PWP1: variants seen among roughly 807,000 people sequenced by gnomAD.
PWP1 encodes periodic tryptophan protein 1 homolog.
Under a neutral mutation model 69.9 loss-of-function variants are expected in PWP1, and 47 were observed. The ratio of observed to expected loss-of-function variants is 0.67; its 90% CI spans 0.53 to 0.86. The LOEUF (loss-of-function observed/expected upper bound fraction) is 0.86. Ranked by LOEUF, PWP1 falls within the 40% of genes least tolerant of loss-of-function variation. PWP1 has a pLI of 0.00. For synonymous variants in PWP1, 222 were observed against 208.2 expected, an observed-to-expected ratio of 1.07 and a Z score of -0.57; for missense variants, 551 against 608.8, an observed-to-expected ratio of 0.91 and a Z score of 1.00.
chr12:107,688,910 T>G (rs1377594533), intron 3 of PWP1, 108 bp downstream of exon 3: 3 of 1,165,414 alleles, frequency 2.6e-6, no homozygotes, highest in African/African-American at 1.5e-5. Flanking sequence ...TTGACATCAG[T>G]AAGATAATCT....
intron 12 of PWP1, 22 bp downstream of exon 12, chr12:107,709,038 T>C: frequency 1.2e-6 from 2 of 1,613,616 alleles, no homozygotes; most frequent in South Asian, 2.2e-5. Flanking sequence ...TAATGCTTCT[T>C]TCATTTTTCT....
In PWP1 at chr12:107,686,024, G is replaced by A. The variant is rs1220319295; in HGVS notation, c.72+53G>A. 5 of 1,586,474 alleles carry A rather than the reference G, an allele frequency of 3.2e-6. No homozygotes were observed. In the South Asian group the frequency reaches 5.5e-5, roughly 18 times the overall value. ...GGAGCAGCGTCTTTACGGCACTGGG[G>A]GTCCGCCCAGCTGGGGGAACGTGGA... On this transcript the variant is annotated intron_variant, in intron 1 of 14. Coordinates refer to ENST00000412830, the MANE Select transcript of PWP1 (RefSeq NM_007062.3).
chr12:107,692,406 C>T (rs1345944826), intron 3 of PWP1, among the ~76,000 whole-genome samples: 1 of 152,140 alleles, frequency 6.6e-6, no homozygotes, highest in African/African-American at 2.4e-5. Flanking sequence ...TTTTATTTGA[C>T]CAGGCAACCC....
chr12:107,707,609 C>T (rs945004783), intron 11 of PWP1, among the ~76,000 whole-genome samples: 11 of 152,080 alleles, frequency 7.2e-5, no homozygotes, highest in Admixed American at 3.3e-4. Flanking sequence ...GCATGAAGGG[C>T]TGTTGAATTT....
At position 107,696,721 on chromosome 12, in the gene PWP1, T is replaced by C. The variant is rs1237933251; in HGVS notation, c.613+137T>C. ...TGAAGTTACTGTTATTTTATGAAGT[T>C]ATAGAGTTCTTAACACACCATCACT... On this transcript the variant is annotated intron_variant, in intron 6 of 14. Transcript: ENST00000412830. The C allele has an allele frequency of 4.3e-6, 6 of 1,383,370 alleles. No individual in the cohort carries two copies. The African/African-American group carries it at 5.8e-5, about 13-fold the overall frequency. 85.7% of individuals were successfully genotyped at this position (1,383,370 alleles called of 1,614,324 possible). A position where few individuals can be genotyped will look rare whatever the true frequency, so the allele number is the denominator to read the frequency against.
chr12:107,687,450 T>C (rs1158257148), intron 1 of PWP1, among the ~76,000 whole-genome samples: 40 of 152,252 alleles, frequency 2.6e-4, no homozygotes, highest in Non-Finnish European at 2.9e-5. Flanking sequence ...CTCCCAAGTA[T>C]TGTGTTGTAA....
intron 8 of PWP1, among the ~76,000 whole-genome samples, chr12:107,702,290 T>C (rs1382695570): frequency 6.6e-6 from 1 of 152,042 alleles, no homozygotes; most frequent in East Asian, 1.9e-4. Flanking sequence ...TCCTGTTTTG[T>C]TTTGTTTTGA....
chr12:107,691,595 G>A (rs1889480059), intron 3 of PWP1, among the ~76,000 whole-genome samples: 1 of 152,158 alleles, frequency 6.6e-6, no homozygotes, highest in South Asian at 2.1e-4. Context: ...GGAAGAAAGG[G>A]ATTGCAGAGG....
rs138804785 is a variant in PWP1, at chr12:107,695,182, C to T, written c.503-1292C>T. 2.7e-3 allele frequency among the ~76,000 whole-genome samples: 403 copies of T among 151,232 alleles called. 2 individuals carry two copies. The highest frequency in any genetic ancestry group is 9.5e-3 in the African/African-American group (392 of 41,188). Reference sequence around the variant, plus strand: ...TCGGGAGGCTGAGGCAGGAGAATGGCGTGAACCTGGGAGGCAGGGCTTGCA... The same window carrying T: ...TCGGGAGGCTGAGGCAGGAGAATGGTGTGAACCTGGGAGGCAGGGCTTGCA... On this transcript the variant is annotated intron_variant, in intron 5 of 14. Coordinates refer to ENST00000412830, the MANE Select transcript of PWP1 (RefSeq NM_007062.3).
rs1036805924 is a variant in PWP1 at position 107,703,490 on chromosome 12, T to C, written c.904-195T>C. Among the ~76,000 whole-genome samples the C allele has an allele frequency of 3.5e-4, 53 of 152,234 alleles. 1 individual carries two copies. The highest frequency in any genetic ancestry group is 2.2e-3 in the Admixed American group (33 of 15,286). On this transcript the variant is annotated intron_variant, in intron 9 of 14. Transcript: ENST00000412830. ...CAAACAGTTTGGGGAAACTACATTT[T>C]CTTTAAGTGCCAGCCTTTATGTGGG...
intron 3 of PWP1, among the ~76,000 whole-genome samples, chr12:107,690,217 T>C (rs1231296023): frequency 6.6e-6 from 1 of 152,076 alleles, no homozygotes; most frequent in African/African-American, 2.4e-5. Context: ...GGTTAAAATA[T>C]TACATAAGAC....
In PWP1 at chr12:107,693,920, C is replaced by T. The variant is rs114023745; in HGVS notation, c.502+824C>T. On this transcript the variant is annotated intron_variant, in intron 5 of 14. Coordinates refer to ENST00000412830, the MANE Select transcript of PWP1 (RefSeq NM_007062.3). ...CCTTTGCAAAACATTTTATTTTCTT[C>T]CTAATAATTCAACACAAAGGGCCAC... is the stretch of plus-strand genomic sequence containing the variant. Among the ~76,000 whole-genome samples, 681 of 152,088 alleles carry T rather than the reference C, an allele frequency of 4.5e-3. 7 individuals carry two copies. Among genetic ancestry groups the T allele is most frequent in the African/African-American group, 0.015 (620 of 41,486 alleles).
intron 10 of PWP1, 104 bp downstream of exon 10, chr12:107,703,850 CT>C: frequency 9.6e-7 from 1 of 1,043,188 alleles, no homozygotes; most frequent in Non-Finnish European, 1.5e-6. Context: ...TTGAGGCCAC[CT>C]TTATGTTTAA....
chr12:107,686,094 G>T, intron 1 of PWP1, 123 bp downstream of exon 1: 1 of 1,081,186 alleles, frequency 9.2e-7, no homozygotes, highest in Non-Finnish European at 1.4e-6. Context: ...TGGGGTGAGG[G>T]CGGCTTTGCC....
intron 3 of PWP1, among the ~76,000 whole-genome samples, chr12:107,690,472 T>G (rs192538547): frequency 1.0e-3 from 156 of 152,330 alleles, no homozygotes; most frequent in African/African-American, 3.3e-3. Context: ...ATACTTTTTT[T>G]TGTGTGTGTG....
In PWP1 at chr12:107,693,084, T is replaced by A; in HGVS notation, c.490T>A (p.Leu164Ile). The A allele has an allele frequency of 6.2e-7, 1 of 1,610,060 alleles. No individual in the cohort carries two copies. The highest frequency in any genetic ancestry group is 8.5e-7 in the Non-Finnish European group (1 of 1,178,792). The stretch of plus-strand genomic sequence containing the variant: ...CCGAGCTGAACAGGACCAGTGCAAT[T>A]TAGAGGTGCATGGTAAGTGATAAAT... ...CGRAEQDQCN[L>I]EVHVYNQEED... Residue 164 changes from leucine (L) to isoleucine (I), a missense_variant, in exon 5 of 15, where the codon TTA becomes ATA. Coordinates refer to ENST00000412830, the MANE Select transcript of PWP1 (RefSeq NM_007062.3).
At chr12:107,701,528 G>A (rs904601806) in intron 8 of PWP1, among the ~76,000 whole-genome samples, 1 of 152,016 alleles carries the variant, frequency 6.6e-6, no homozygotes, top group African/African-American at 2.4e-5. Flanking sequence ...GGGTCATGAA[G>A]GTTTACATGT....
rs1032015629 is a variant in PWP1 at position 107,712,199 on chromosome 12, A to C, written c.1485A>C (p.Ser495=). Residue 495 remains serine (S), a synonymous_variant, in exon 15 of 15, where the codon TCA becomes TCC. Transcript: ENST00000412830. ...SISGPFGSRS[S]DTPMES is the part of the protein sequence containing the mutation. ...GTGGCCCTTTTGGCAGCAGGAGCTC[A>C]GATACACCCATGGAGTCTTAATGAA... The C allele has an allele frequency of 1.2e-6, 2 of 1,613,148 alleles. No individual in the cohort carries two copies. The highest frequency in any genetic ancestry group is 1.3e-5 in the African/African-American group (1 of 75,046).
chr12:107,710,338 A>G, intron 13 of PWP1, 67 bp from the exon 14 acceptor site: 2 of 1,582,460 alleles, frequency 1.3e-6, no homozygotes, highest in Non-Finnish European at 1.7e-6. Context: ...TAGAGACAAC[A>G]GTGAGGATCT....
Sources: allele counts gnomAD v4.1 joint callset (sites outside exome capture counted in the v4.1 genomes callset), GRCh38; gene constraint gnomAD v4.1.1; transcripts MANE v1.5; gene names NCBI Gene and HGNC (gene_info 2026-07-23, HGNC 2026-07-21).